CACNA2D3: variants seen among roughly 807,000 people sequenced by gnomAD.
CACNA2D3 encodes the protein voltage-dependent calcium channel subunit alpha-2/delta-3.
A neutral mutation model predicts 160.6 loss-of-function variants in CACNA2D3; 60 were observed. That is an observed-to-expected ratio of 0.37 (90% CI 0.30 to 0.46). CACNA2D3 has a LOEUF of 0.46. Ranked by LOEUF, CACNA2D3 falls within the 20% of genes least tolerant of loss-of-function variation. CACNA2D3 has a pLI of 1.00. For missense variants in CACNA2D3, 1,205 were observed against 1,365.0 expected (o/e 0.88, Z 1.85); for synonymous variants, 558 against 492.9 (o/e 1.13, Z -1.75).
intron 5 of CACNA2D3, among the ~76,000 whole-genome samples, chr3:54,560,585 T>A (rs1341437929): frequency 6.6e-6 from 1 of 152,252 alleles, no homozygotes; most frequent in East Asian, 1.9e-4. Context: ...TTTAATTAGA[T>A]CCCATTTGTC....
chr3:54,337,860 G>T (rs1704422817), intron 3 of CACNA2D3, among the ~76,000 whole-genome samples: 2 of 152,154 alleles, frequency 1.3e-5, no homozygotes, highest in African/African-American at 4.8e-5. Context: ...ACGGGAGGTG[G>T]CTAAGTCACC....
chr3:54,446,502 T>G (rs1700224251), intron 4 of CACNA2D3, among the ~76,000 whole-genome samples: 1 of 152,202 alleles, frequency 6.6e-6, no homozygotes, highest in Non-Finnish European at 1.5e-5. Context: ...TTAAAAACTT[T>G]CAGAAAAGAA....
chr3:54,861,336 G>T (rs544648827), intron 17 of CACNA2D3, among the ~76,000 whole-genome samples: 92 of 152,292 alleles, frequency 6.0e-4, no homozygotes, highest in African/African-American at 2.1e-3. Flanking sequence ...GGGGTGGCAT[G>T]TGCAGAGGCC....
intron 35 of CACNA2D3, among the ~76,000 whole-genome samples, chr3:55,037,950 G>A (rs139425222): frequency 2.0e-5 from 3 of 152,264 alleles, no homozygotes; most frequent in East Asian, 3.9e-4. Flanking sequence ...ATTAAAAATC[G>A]GATAAACTGG....
intron 35 of CACNA2D3, among the ~76,000 whole-genome samples, chr3:55,028,624 G>A (rs928520983): frequency 2.0e-5 from 3 of 152,074 alleles, no homozygotes; most frequent in African/African-American, 7.2e-5. Context: ...AGAATCAATT[G>A]CAAAATAAAT....
chr3:54,214,411 C>T (rs1469685661), intron 2 of CACNA2D3, among the ~76,000 whole-genome samples: 3 of 152,068 alleles, frequency 2.0e-5, no homozygotes, highest in Admixed American at 6.6e-5. Flanking sequence ...TCACAACCTT[C>T]GAGGGAGACA....
intron 32 of CACNA2D3, among the ~76,000 whole-genome samples, chr3:55,005,279 AAAATT>A (rs564103756): frequency 6.0e-4 from 92 of 152,196 alleles, no homozygotes; most frequent in South Asian, 1.2e-3. Flanking sequence ...GCCTCTCAAA[AAAATT>A]AAATTAAATT....
At chr3:54,717,930 C>G (rs547256480) in intron 11 of CACNA2D3, among the ~76,000 whole-genome samples, 1 of 152,052 alleles carries the variant, frequency 6.6e-6, no homozygotes, top group East Asian at 1.9e-4. Context: ...ATCTAAGTAT[C>G]TTAATTCCCA....
At chr3:54,450,842 A>G (rs1169160587) in intron 4 of CACNA2D3, among the ~76,000 whole-genome samples, 2 of 152,162 alleles carry the variant, frequency 1.3e-5, no homozygotes, top group East Asian at 3.9e-4. Flanking sequence ...TAACTCATTT[A>G]TTCAGGTGTC....
intron 11 of CACNA2D3, among the ~76,000 whole-genome samples, chr3:54,679,888 A>G (rs972601048): frequency 6.6e-6 from 1 of 152,248 alleles, no homozygotes; most frequent in Non-Finnish European, 1.5e-5. Context: ...AATTAATTCA[A>G]AGTTTGAAAC....
At chr3:54,624,446 C>T (rs1699051856) in intron 9 of CACNA2D3, among the ~76,000 whole-genome samples, 1 of 152,054 alleles carries the variant, frequency 6.6e-6, no homozygotes, top group South Asian at 2.1e-4. Context: ...CACGGTGAAA[C>T]CCCGTCTCTA....
chr3:54,713,685 G>A (rs1700996792), intron 11 of CACNA2D3, among the ~76,000 whole-genome samples: 1 of 152,212 alleles, frequency 6.6e-6, no homozygotes, highest in Admixed American at 6.5e-5. Flanking sequence ...GGGCCTGGCA[G>A]AAACTGCTAG....
intron 13 of CACNA2D3, among the ~76,000 whole-genome samples, chr3:54,772,868 C>T (rs1424468497): frequency 6.6e-6 from 1 of 152,194 alleles, no homozygotes; most frequent in African/African-American, 2.4e-5. Context: ...ATTCAACTTG[C>T]TGTGCAGGAT....
chr3:55,074,278 CA>C lies in CACNA2D3; in HGVS notation c.*76del. ...GCTAAATCATGGATAAACTGTGAAC[CA>C]AAATATGGTGCAACATACGAGACAT... On this transcript the variant is annotated 3_prime_UTR_variant, in exon 38 of 38. Transcript: ENST00000474759. The C allele has an allele frequency of 8.2e-7, 1 of 1,223,472 alleles. No individual in the cohort carries two copies. Among genetic ancestry groups the C allele is most frequent in the South Asian group, 1.2e-5 (1 of 83,010 alleles). The allele number at this position is 1,223,472 out of a possible 1,614,324, so 75.8% of individuals were successfully genotyped here.
At chr3:54,325,632 G>T (rs1704106081) in intron 3 of CACNA2D3, among the ~76,000 whole-genome samples, 1 of 152,198 alleles carries the variant, frequency 6.6e-6, no homozygotes, top group African/African-American at 2.4e-5. Flanking sequence ...GAGCGGGAAG[G>T]AGCACTGGGG....
At chr3:54,566,691 TC>T (rs1244721339) in intron 6 of CACNA2D3, among the ~76,000 whole-genome samples, 5 of 152,214 alleles carry the variant, frequency 3.3e-5, no homozygotes, top group African/African-American at 4.8e-5. Context: ...TTCCCCAACA[TC>T]AGACTGTCAC....
intron 5 of CACNA2D3, among the ~76,000 whole-genome samples, chr3:54,516,512 A>G (rs1287789639): frequency 1.3e-5 from 2 of 152,184 alleles, no homozygotes; most frequent in Admixed American, 1.3e-4. Context: ...GCATGTCTCC[A>G]TAGGCATAGA....
intron 4 of CACNA2D3, among the ~76,000 whole-genome samples, chr3:54,393,554 C>T (rs1442204261): frequency 2.0e-5 from 3 of 152,242 alleles, no homozygotes; most frequent in Non-Finnish European, 4.4e-5. Flanking sequence ...TGTGTAGCTG[C>T]TCTACCTACC....
chr3:54,827,058 T>A (rs1205835695), intron 14 of CACNA2D3, among the ~76,000 whole-genome samples: 2 of 152,256 alleles, frequency 1.3e-5, no homozygotes, highest in Non-Finnish European at 2.9e-5. Context: ...CCTCCTTTGC[T>A]ACACTTCAAA....
Sources: gnomAD v4.1 joint callset for allele counts (sites outside exome capture counted in the v4.1 genomes callset) on GRCh38, gnomAD v4.1.1 for gene constraint, MANE v1.5 for transcripts, NCBI Gene and HGNC (gene_info 2026-07-23, HGNC 2026-07-21) for gene names.